The following HMCN2 variants were observed in gnomAD, a reference collection of about 807,000 sequenced individuals.
HMCN2 encodes hemicentin-2.
HMCN2 carries 325 observed loss-of-function variants against 377.5 expected under a neutral mutation model. That is an observed-to-expected ratio of 0.86 (90% CI 0.79 to 0.94). The LOEUF (loss-of-function observed/expected upper bound fraction) is 0.94. Among genes scored for constraint, HMCN2 ranks in the 40% least tolerant of loss-of-function variants. The pLI is 0.00. For missense variants in HMCN2, 4,543 were observed against 4,725.3 expected (o/e 0.96, Z 1.13); for synonymous variants, 2,007 against 2,046.8 (o/e 0.98, Z 0.53).
intron 4 of HMCN2, among the ~76,000 whole-genome samples, chr9:130,289,346 G>A (rs980906067): frequency 6.6e-6 from 1 of 152,136 alleles, no homozygotes; most frequent in Admixed American, 6.5e-5. Context: ...AAGATGGGGG[G>A]GTGAGGGGGA....
In HMCN2 at chr9:130,328,290, T is replaced by A. The variant is rs1005740577; in HGVS notation, c.3359+815T>A. Among the ~76,000 whole-genome samples the A allele has an allele frequency of 3.9e-3, 592 of 152,226 alleles. 3 individuals are homozygous for A. The highest frequency in any genetic ancestry group is 0.014 in the African/African-American group (570 of 41,538). On this transcript the variant is annotated intron_variant, in intron 22 of 97. Transcript: ENST00000683500. ...GGGGTCCCCCATGCCCTCTTGGCAT[T>A]GCTGCAGCTCTATGTTGTAGGGTGG...
intron 49 of HMCN2, 73 bp from the exon 50 acceptor site, chr9:130,375,490 T>G: frequency 2.6e-5 from 23 of 885,998 alleles, no homozygotes; most frequent in South Asian, 5.2e-5. Flanking sequence ...CACCGGGGTC[T>G]GAGGCTTTCC....
rs1554935930 is a variant in HMCN2 at position 130,304,752 on chromosome 9, T to C, written c.1566T>C (p.Pro522=). 1 of 468,642 alleles carries C rather than the reference T, an allele frequency of 2.1e-6. No individual in the cohort carries two copies. Among genetic ancestry groups the C allele is most frequent in the Admixed American group, 2.4e-5 (1 of 42,536 alleles). 29.0% of individuals were successfully genotyped at this position (468,642 alleles called of 1,614,324 possible). The change falls in exon 11 of 98, where the codon CCT becomes CCC. Residue 522 remains proline (P), a synonymous_variant. Transcript: ENST00000683500. This position sits in a 1 kb window ranked among gnomAD's most constrained non-coding sequence, Gnocchi z 4.3. ...CAGACCCCCCGCCGCAGCTGGTCCC[T>C]GCTCCCAACGTGACCGTGTCCCCAG... ...VVTDPPPQLV[P]APNVTVSPGE...
At chr9:130,276,956 C>T (rs537067131) in intron 1 of HMCN2, among the ~76,000 whole-genome samples, 9 of 152,334 alleles carry the variant, frequency 5.9e-5, no homozygotes, top group Non-Finnish European at 1.2e-4. Flanking sequence ...GAGAGAGAAG[C>T]AGGGGCAAGA....
At chr9:130,357,326 G>C (rs1160023192) in intron 34 of HMCN2, among the ~76,000 whole-genome samples, 2 of 142,060 alleles carry the variant, frequency 1.4e-5, no homozygotes, top group Non-Finnish European at 3.1e-5. Flanking sequence ...GGGTGGGTGG[G>C]TGGATGGATG....
chr9:130,270,826 C>T (rs1295157667), intron 1 of HMCN2, among the ~76,000 whole-genome samples: 1 of 148,436 alleles, frequency 6.7e-6, no homozygotes, highest in East Asian at 1.9e-4. Flanking sequence ...GGTCTTCCTG[C>T]CTCTGCCTCC....
chr9:130,415,642 G>A (rs1014879682), intron 85 of HMCN2, among the ~76,000 whole-genome samples: 6 of 152,266 alleles, frequency 3.9e-5, no homozygotes, highest in Admixed American at 1.3e-4. Flanking sequence ...TGGCTGTGGA[G>A]TAATTTGAAG....
At chr9:130,388,314 C>T (rs1588370296) in intron 61 of HMCN2, 95 bp from the exon 62 acceptor site, 1 of 837,230 alleles carries the variant, frequency 1.2e-6, no homozygotes, top group East Asian at 1.2e-4. Flanking sequence ...CTCCTAACTA[C>T]CAGGAAGGGC....
chr9:130,334,022 G>T (rs1838574968), intron 22 of HMCN2, among the ~76,000 whole-genome samples: 1 of 152,224 alleles, frequency 6.6e-6, no homozygotes, highest in South Asian at 2.1e-4. Context: ...GGAGCCTACA[G>T]GATGGACCTA....
At chr9:130,312,505 G>GTCTCTCTC (rs1197242012) in intron 15 of HMCN2, among the ~76,000 whole-genome samples, 185 of 6,024 alleles carry the variant, frequency 0.031, 65 homozygotes, top group Non-Finnish European at 0.11. Flanking sequence ...CTTTCTTTCT[G>GTCTCTCTC]TCCCTCCCTC....
chr9:130,397,406 C>G lies in HMCN2; in HGVS notation c.11199-122C>G. 3 of 991,376 alleles carry G rather than the reference C, an allele frequency of 3.0e-6. No homozygotes were observed. The South Asian group carries it at 4.7e-5, about 16-fold the overall frequency. The allele number at this position is 991,376 out of a possible 1,614,324, so 61.4% of individuals were successfully genotyped here. A position where few individuals can be genotyped will look rare whatever the true frequency, so the allele number is the denominator to read the frequency against. ...GATGAGATTTGGGTGGAGACAGAGCCAAACCATATCAGCATCCTCTCACTG... is the reference window on the plus strand; with the variant it reads ...GATGAGATTTGGGTGGAGACAGAGCGAAACCATATCAGCATCCTCTCACTG... On this transcript the variant is annotated intron_variant, in intron 73 of 97. Coordinates refer to ENST00000683500, the MANE Select transcript of HMCN2 (RefSeq NM_001291815.2).
chr9:130,366,467 A>T (rs1284460138), intron 43 of HMCN2, among the ~76,000 whole-genome samples: 42 of 82,986 alleles, frequency 5.1e-4, no homozygotes, highest in Admixed American at 5.5e-4. Flanking sequence ...CACTTCACCA[A>T]TTTTTTTTTT....
At chr9:130,427,403 G>A (rs1395944723) in intron 91 of HMCN2, 28 bp downstream of exon 91, 2 of 1,550,594 alleles carry the variant, frequency 1.3e-6, no homozygotes, top group Middle Eastern at 1.7e-4. Flanking sequence ...TGGCATGGAT[G>A]TGGGAGGCCT....
chr9:130,401,025 G>C, intron 77 of HMCN2, 78 bp downstream of exon 77: 2 of 1,183,290 alleles, frequency 1.7e-6, no homozygotes, highest in Non-Finnish European at 2.2e-6. Flanking sequence ...AAGGTCACAT[G>C]GCGGAATAGG....
At chr9:130,354,430 T>C (rs1472792191) in intron 31 of HMCN2, among the ~76,000 whole-genome samples, 2 of 152,168 alleles carry the variant, frequency 1.3e-5, no homozygotes, top group Non-Finnish European at 2.9e-5. Flanking sequence ...GGGGTCTTAT[T>C]TGAGTCCAGC....
rs1014659176 is a variant in HMCN2 at position 130,424,984 on chromosome 9, TG to T, written c.13520-22del. On this transcript the variant is annotated intron_variant, in intron 88 of 97. Coordinates refer to ENST00000683500, the MANE Select transcript of HMCN2 (RefSeq NM_001291815.2). ...CGCCCAGGACCTCCCGTGGTGACTC[TG>T]GGCTGGGTGGGGATGGTTTGCAGGG... 4.6e-5 allele frequency: 71 copies of T among 1,528,538 alleles called. 2 individuals are homozygous for T. In the Admixed American group the frequency reaches 1.4e-3, roughly 31 times the overall value. 94.7% of individuals were successfully genotyped at this position (1,528,538 alleles called of 1,614,324 possible).
rs10988663 is a variant in HMCN2, at chr9:130,265,816, G to T, written c.-63G>T. 2,705 of 287,680 alleles carry T rather than the reference G, an allele frequency of 9.4e-3. 23 individuals carry two copies. The highest frequency in any genetic ancestry group is 0.013 in the Middle Eastern group (10 of 782). 17.8% of individuals were successfully genotyped at this position (287,680 alleles called of 1,614,324 possible). A position where few individuals can be genotyped will look rare whatever the true frequency, so the allele number is the denominator to read the frequency against. On this transcript the variant is annotated 5_prime_UTR_variant, in exon 1 of 98. Coordinates refer to ENST00000683500, the MANE Select transcript of HMCN2 (RefSeq NM_001291815.2). ...TGCCTGCAGCCGCCGTGTGCACCGG[G>T]GCGGCCGGCTAGCTCCGACCTGCGC...
chr9:130,391,964 G>C lies in HMCN2; in HGVS notation c.9982G>C (p.Gly3328Arg). ...TCCCACCATCAAGCAGGGAGCAGAC[G>C]GCTCGGGGACCCTGGTGAGCAGGCC... The part of the protein sequence containing the change: ...VPPTIKQGAD[G>R]SGTLVSRPGE... The change falls in exon 66 of 98, where the codon GGC becomes CGC. Residue 3328 changes from glycine (G) to arginine (R), a missense_variant. Around this residue, in one of 5 missense-constraint regions of HMCN2, gnomAD observed 1,073 missense variants for 1,319.5 expected, o/e 0.81. Transcript: ENST00000683500. 1 of 988,244 alleles carries C rather than the reference G, an allele frequency of 1.0e-6. No homozygotes were observed. The highest frequency in any genetic ancestry group is 4.7e-5 in the South Asian group (1 of 21,382). The allele number at this position is 988,244 out of a possible 1,614,324, so 61.2% of individuals were successfully genotyped here. A position where few individuals can be genotyped will look rare whatever the true frequency, so the allele number is the denominator to read the frequency against.
intron 83 of HMCN2, among the ~76,000 whole-genome samples, chr9:130,408,436 C>T (rs146962769): frequency 5.9e-5 from 9 of 152,292 alleles, no homozygotes; most frequent in East Asian, 5.8e-4. Context: ...ATATGACACG[C>T]GTAACACTGC....
Sources: gnomAD v4.1 joint callset for allele counts (sites outside exome capture counted in the v4.1 genomes callset) on GRCh38, gnomAD v4.1.1 for gene constraint, gnomAD v4.1.1 regional missense constraint, Gnocchi (gnomAD v3.1) non-coding constraint, MANE v1.5 for transcripts, NCBI Gene and HGNC (gene_info 2026-07-23, HGNC 2026-07-21) for gene names.